The following ESRRG variants were observed in gnomAD, a reference collection of about 807,000 sequenced individuals.
The protein encoded by ESRRG is estrogen-related receptor gamma.
A neutral mutation model predicts 44.0 loss-of-function variants in ESRRG; 13 were observed. The observed-to-expected ratio is 0.30, with a 90% confidence interval of 0.19 to 0.47. ESRRG has a LOEUF of 0.47. Among genes scored for constraint, ESRRG ranks in the 20% least tolerant of loss-of-function variants. The probability of loss-of-function intolerance (pLI) is 1.00; values close to 1 mark genes in which losing one functional copy is unlikely to be tolerated. For missense variants in ESRRG, 395 were observed against 580.6 expected (o/e 0.68, Z 3.29); for synonymous variants, 215 against 214.6 (o/e 1.00, Z -0.02).
At chr1:216,508,431 G>A (rs923383182) in intron 6 of ESRRG, among the ~76,000 whole-genome samples, 1 of 152,124 alleles carries the variant, frequency 6.6e-6, no homozygotes, top group Non-Finnish European at 1.5e-5. Context: ...CTGGAATAAA[G>A]TTGCTTATAA....
chr1:216,716,017 A>G (rs745878886), intron 1 of ESRRG, among the ~76,000 whole-genome samples: 1 of 152,044 alleles, frequency 6.6e-6, no homozygotes. Context: ...TGCATATTGA[A>G]TATGCCATAC....
chr1:216,851,788 C>G (rs939289805), intron 2 of ESRRG, among the ~76,000 whole-genome samples: 1 of 152,154 alleles, frequency 6.6e-6, no homozygotes, highest in Non-Finnish European at 1.5e-5. Context: ...GGCTAAGGAT[C>G]CTTTTATTTT....
chr1:216,613,517 G>T (rs1440952638), intron 3 of ESRRG, among the ~76,000 whole-genome samples: 8 of 152,122 alleles, frequency 5.3e-5, no homozygotes, highest in Admixed American at 5.2e-4. Flanking sequence ...GACGTGGAAA[G>T]CACCTTAAAA....
intron 2 of ESRRG, among the ~76,000 whole-genome samples, chr1:216,780,462 TAG>T (rs1473037183): frequency 5.3e-5 from 8 of 152,068 alleles, no homozygotes; most frequent in Non-Finnish European, 2.9e-5. Flanking sequence ...CATACATATT[TAG>T]ATATGGAATA....
chr1:216,764,539 G>A (rs917383286), intron 2 of ESRRG, among the ~76,000 whole-genome samples: 1 of 151,880 alleles, frequency 6.6e-6, no homozygotes, highest in African/African-American at 2.4e-5. Context: ...AAAGTGCTGG[G>A]ATTACAGGCA....
chr1:216,587,738 G>A (rs1478023986), intron 3 of ESRRG, among the ~76,000 whole-genome samples: 3 of 152,120 alleles, frequency 2.0e-5, no homozygotes, highest in African/African-American at 7.2e-5. Flanking sequence ...AACCATTAAG[G>A]AGTAAGAAGC....
intron 3 of ESRRG, among the ~76,000 whole-genome samples, chr1:216,623,184 G>A (rs527967569): frequency 2.9e-5 from 4 of 139,824 alleles, no homozygotes; most frequent in Admixed American, 8.0e-5. Context: ...CTGGGTTCAC[G>A]CCATTCTCCT....
intron 6 of ESRRG, among the ~76,000 whole-genome samples, chr1:216,515,140 T>C (rs2043841193): frequency 6.6e-6 from 1 of 152,108 alleles, no homozygotes; most frequent in Non-Finnish European, 1.5e-5. Context: ...AAAACAGTTA[T>C]GTATTTAAGC....
At chr1:216,813,518 T>A (rs2095040042) in intron 2 of ESRRG, among the ~76,000 whole-genome samples, 1 of 152,212 alleles carries the variant, frequency 6.6e-6, no homozygotes, top group Non-Finnish European at 1.5e-5. Context: ...CTATTTTAAT[T>A]CTACATAGGT....
chr1:216,898,645 G>A (rs999878870), intron 2 of ESRRG, among the ~76,000 whole-genome samples: 13 of 151,674 alleles, frequency 8.6e-5, no homozygotes, highest in African/African-American at 2.9e-4. Context: ...ATTAATTAAA[G>A]AAGTTGATAC....
chr1:217,037,866 G>A (rs2083179760), intron 1 of ESRRG, among the ~76,000 whole-genome samples: 1 of 152,170 alleles, frequency 6.6e-6, no homozygotes, highest in Non-Finnish European at 1.5e-5. Flanking sequence ...AAACGAAGGA[G>A]CAACAGGCCC....
chr1:216,605,785 TA>T, intron 3 of ESRRG, among the ~76,000 whole-genome samples: 1 of 151,066 alleles, frequency 6.6e-6, no homozygotes, highest in African/African-American at 2.4e-5. Context: ...TCAATGAAAC[TA>T]TGAAAGAGAA....
chr1:216,676,481 T>C (rs991399396), intron 2 of ESRRG, among the ~76,000 whole-genome samples: 1 of 152,126 alleles, frequency 6.6e-6, no homozygotes, highest in Admixed American at 6.5e-5. Flanking sequence ...GAGTAGGTAA[T>C]TAAATTTGTC....
intron 1 of ESRRG, among the ~76,000 whole-genome samples, chr1:217,127,277 T>C (rs747074726): frequency 1.3e-5 from 2 of 152,202 alleles, no homozygotes; most frequent in Non-Finnish European, 2.9e-5. Context: ...TTATATGTTT[T>C]GGTTATAAGC....
intron 3 of ESRRG, among the ~76,000 whole-genome samples, chr1:216,590,912 C>A (rs1209578397): frequency 6.6e-6 from 1 of 152,156 alleles, no homozygotes; most frequent in African/African-American, 2.4e-5. Flanking sequence ...GCTTTACTGA[C>A]ACATGACCAC....
chr1:217,052,944 A>T (rs1284524133), intron 1 of ESRRG, among the ~76,000 whole-genome samples: 1 of 152,136 alleles, frequency 6.6e-6, no homozygotes, highest in Non-Finnish European at 1.5e-5. Flanking sequence ...CTAAAGATGG[A>T]CATGGAGATC....
chr1:216,622,659 A>G (rs935803087), intron 3 of ESRRG, among the ~76,000 whole-genome samples: 12 of 151,544 alleles, frequency 7.9e-5, no homozygotes. Context: ...TAGTGCATCT[A>G]ATTATTTCAT....
chr1:216,633,989 A>T (rs992207627), intron 3 of ESRRG, among the ~76,000 whole-genome samples: 2 of 152,216 alleles, frequency 1.3e-5, no homozygotes, highest in African/African-American at 4.8e-5. Flanking sequence ...ACCTAATTAC[A>T]GTTATTGATG....
At chr1:216,745,601 C>T (rs1313859705) in intron 2 of ESRRG, among the ~76,000 whole-genome samples, 1 of 152,092 alleles carries the variant, frequency 6.6e-6, no homozygotes, top group Non-Finnish European at 1.5e-5. Context: ...CCCCCTGCCC[C>T]CTCCTTTCCC....
Sources: gnomAD v4.1 joint callset for allele counts (sites outside exome capture counted in the v4.1 genomes callset) on GRCh38, gnomAD v4.1.1 for gene constraint, MANE v1.5 for transcripts, NCBI Gene and HGNC (gene_info 2026-07-23, HGNC 2026-07-21) for gene names.